Variants in PACRG observed in about 807,000 individuals in gnomAD.
The protein encoded by PACRG is parkin coregulated gene protein.
PACRG carries 29 observed loss-of-function variants against 29.7 expected under a neutral mutation model. The ratio of observed to expected loss-of-function variants is 0.98; its 90% confidence interval spans 0.73 to 1.33. The LOEUF (loss-of-function observed/expected upper bound fraction) is 1.33, where lower values mean the gene tolerates loss of function less well. Among genes scored for constraint, PACRG ranks in the 40% most tolerant of loss-of-function variants. PACRG has a pLI of 0.00. For synonymous variants in PACRG, 116 were observed against 118.7 expected (o/e 0.98, Z 0.15); for missense variants, 279 against 316.2 (o/e 0.88, Z 0.89).
chr6:162,800,972 A>C (rs1785805016), intron 1 of PACRG, among the ~76,000 whole-genome samples: 1 of 152,098 alleles, frequency 6.6e-6, no homozygotes, highest in South Asian at 2.1e-4. Context: ...CAGTTCCTCC[A>C]CGTGCGCTGA....
chr6:162,943,776 C>T (rs1798803091), intron 2 of PACRG, among the ~76,000 whole-genome samples: 1 of 152,194 alleles, frequency 6.6e-6, no homozygotes, highest in African/African-American at 2.4e-5. Flanking sequence ...ACCCAACCTG[C>T]CACTACCACC....
chr6:163,089,484 A>G, intron 4 of PACRG, 76 bp downstream of exon 4: 1 of 1,524,104 alleles, frequency 6.6e-7, no homozygotes, highest in African/African-American at 1.4e-5. Flanking sequence ...TTAATTAGCA[A>G]CACGTTTAGG....
intron 4 of PACRG, among the ~76,000 whole-genome samples, chr6:163,155,041 G>T (rs1378455351): frequency 6.6e-6 from 1 of 151,716 alleles, no homozygotes; most frequent in African/African-American, 2.4e-5. Flanking sequence ...CTCACACCTA[G>T]ATTATTGAAT....
rs373666016 is a variant in PACRG, at chr6:163,064,399, C to A, written c.463+2078C>A. 2.4e-4 allele frequency among the ~76,000 whole-genome samples: 37 copies of A among 152,286 alleles called. No homozygotes were observed. In the East Asian group the frequency reaches 6.8e-3, roughly 28 times the overall value. The stretch of plus-strand genomic sequence containing the variant: ...AAAACGTTATCAAGAACTCAGTAAA[C>A]ATGATTTGTCAGGGAAAATTAACTA... On this transcript the variant is annotated intron_variant, in intron 3 of 4. Transcript: ENST00000366888.
intron 4 of PACRG, among the ~76,000 whole-genome samples, chr6:163,259,837 C>T (rs1783254281): frequency 6.6e-6 from 1 of 152,184 alleles, no homozygotes; most frequent in African/African-American, 2.4e-5. Flanking sequence ...TATAGGAGAC[C>T]TCCCATCCGC....
chr6:162,943,958 C>A (rs947660666), intron 2 of PACRG, among the ~76,000 whole-genome samples: 1 of 152,146 alleles, frequency 6.6e-6, no homozygotes. Flanking sequence ...GCCTGAGGAC[C>A]CACCCACCTG....
At chr6:162,923,716 A>C (rs1011954654) in intron 2 of PACRG, among the ~76,000 whole-genome samples, 2 of 152,006 alleles carry the variant, frequency 1.3e-5, no homozygotes, top group South Asian at 4.2e-4. Context: ...CCATTTGTTT[A>C]TGTGTCTGTT....
At chr6:163,268,393 C>G (rs1701112997) in intron 4 of PACRG, among the ~76,000 whole-genome samples, 1 of 91,002 alleles carries the variant, frequency 1.1e-5, no homozygotes, top group South Asian at 3.4e-4. Flanking sequence ...CTAAGTGAGA[C>G]TGTCTCAAAG....
At chr6:163,263,186 C>T (rs933515280) in intron 4 of PACRG, among the ~76,000 whole-genome samples, 3 of 150,732 alleles carry the variant, frequency 2.0e-5, no homozygotes, top group African/African-American at 7.4e-5. Context: ...CTTTCAAACC[C>T]GTTACTTGCG....
At chr6:163,112,780 T>G (rs1490018288) in intron 4 of PACRG, among the ~76,000 whole-genome samples, 1 of 152,198 alleles carries the variant, frequency 6.6e-6, no homozygotes, top group Non-Finnish European at 1.5e-5. Flanking sequence ...AAGGGGGTAG[T>G]CTGATTTCCA....
chr6:162,867,000 T>C (rs1792353026), intron 2 of PACRG, among the ~76,000 whole-genome samples: 1 of 152,200 alleles, frequency 6.6e-6, no homozygotes, highest in Non-Finnish European at 1.5e-5. Flanking sequence ...TGGAGAAATA[T>C]TTGTTGCATG....
chr6:163,069,268 G>A (rs2128276853), intron 3 of PACRG, among the ~76,000 whole-genome samples: 1 of 142,738 alleles, frequency 7.0e-6, no homozygotes, highest in South Asian at 2.2e-4. Context: ...AGACCATCCA[G>A]GAAAACATGA....
intron 4 of PACRG, among the ~76,000 whole-genome samples, chr6:163,110,070 C>G (rs1181033773): frequency 6.6e-6 from 1 of 151,998 alleles, no homozygotes; most frequent in African/African-American, 2.4e-5. Flanking sequence ...TACAAAGATA[C>G]ATTTATGGAT....
At chr6:162,977,433 A>G (rs1802050585) in intron 2 of PACRG, among the ~76,000 whole-genome samples, 1 of 151,086 alleles carries the variant, frequency 6.6e-6, no homozygotes, top group Non-Finnish European at 1.5e-5. Flanking sequence ...AATAAGTCCT[A>G]GCAACGGCTG....
chr6:162,837,698 T>C (rs1368227723), intron 2 of PACRG, among the ~76,000 whole-genome samples: 1 of 152,040 alleles, frequency 6.6e-6, no homozygotes, highest in Non-Finnish European at 1.5e-5. Flanking sequence ...AGAAAGGAAA[T>C]AGAACTGAGA....
At chr6:162,962,534 TG>T (rs1800711222) in intron 2 of PACRG, among the ~76,000 whole-genome samples, 1 of 151,140 alleles carries the variant, frequency 6.6e-6, no homozygotes, top group South Asian at 2.1e-4. Context: ...GTCATGAAAG[TG>T]GGGCCCCCAT....
intron 4 of PACRG, among the ~76,000 whole-genome samples, chr6:163,279,473 G>A (rs757104971): frequency 1.3e-5 from 2 of 152,068 alleles, no homozygotes; most frequent in Admixed American, 6.5e-5. Context: ...TTTCCCTAGT[G>A]CAATTCTTCC....
At position 162,995,577 on chromosome 6, in the gene PACRG, C is replaced by T. The variant is rs574073124; in HGVS notation, c.292-66573C>T. ...GACCCCTTGCGCTTCCCACGTGAGG[C>T]AATGCCTTGCCCTGCTTCGGCTCGC... On this transcript the variant is annotated intron_variant, in intron 2 of 4. Transcript: ENST00000366888. 8.3e-4 allele frequency among the ~76,000 whole-genome samples: 126 copies of T among 152,354 alleles called. 4 individuals are homozygous for T. The South Asian group carries it at 0.025, about 30-fold the overall frequency.
rs1205217938 is a variant in PACRG at position 163,121,657 on chromosome 6, G to A, written c.613+32249G>A. ...ATAGAGCATTCATTTCATCCTTCTC[G>A]GTAATCTTTTTTTTTTTTTTTTTTT... is the stretch of plus-strand genomic sequence containing the variant. On this transcript the variant is annotated intron_variant, in intron 4 of 4. Transcript: ENST00000366888. Among the ~76,000 whole-genome samples the A allele has an allele frequency of 4.0e-5, 6 of 150,068 alleles. No individual in the cohort carries two copies. The East Asian group carries it at 9.8e-4, about 24-fold the overall frequency.
Sources: allele counts gnomAD v4.1 joint callset (sites outside exome capture counted in the v4.1 genomes callset), GRCh38; gene constraint gnomAD v4.1.1; transcripts MANE v1.5; gene names NCBI Gene and HGNC (gene_info 2026-07-23, HGNC 2026-07-21).